HADH: variants seen among roughly 807,000 people sequenced by gnomAD.
The protein encoded by HADH is hydroxyacyl-coenzyme A dehydrogenase, mitochondrial.
In HADH, 24 loss-of-function variants were observed where a neutral mutation model predicts 32.2. That is an observed-to-expected ratio of 0.75 (90% CI 0.54 to 1.05). The LOEUF is 1.05. Among genes scored for constraint, HADH ranks in the 50% least tolerant of loss-of-function variants. The probability of loss-of-function intolerance (pLI) is 0.00; values close to 1 mark genes in which losing one functional copy is unlikely to be tolerated. For missense variants in HADH, 350 were observed against 397.1 expected, an observed-to-expected ratio of 0.88 and a Z score of 1.01; for synonymous variants, 139 against 152.5, an observed-to-expected ratio of 0.91 and a Z score of 0.65.
chr4:108,030,782 T>A lies in HADH; in HGVS notation c.710-2394T>A, dbSNP rs1287041011. 3.9e-5 allele frequency: 6 copies of A among 152,340 alleles called. 1 individual carries two copies. In the South Asian group the frequency reaches 1.0e-3, roughly 26 times the overall value. 9.4% of individuals were successfully genotyped at this position (152,340 alleles called of 1,614,324 possible). A position where few individuals can be genotyped will look rare whatever the true frequency, so the allele number is the denominator to read the frequency against. On this transcript the variant is annotated intron_variant, in intron 6 of 7. Transcript: ENST00000309522. Reference sequence around the variant, plus strand: ...AGAAGTACTTGATTCTAAAGAAGTTTAAGAATTATTAGTTTAAAACATGAT... The same window carrying A: ...AGAAGTACTTGATTCTAAAGAAGTTAAAGAATTATTAGTTTAAAACATGAT...
intron 6 of HADH, chr4:108,029,105 T>G (rs1174393713): frequency 2.6e-6 from 1 of 386,130 alleles, no homozygotes; most frequent in Non-Finnish European, 4.6e-6. Context: ...GTGTCCTGCC[T>G]GGGGTGGGTG....
intron 1 of HADH, among the ~76,000 whole-genome samples, chr4:107,990,290 G>T (rs1336814995): frequency 6.6e-6 from 1 of 152,242 alleles, no homozygotes; most frequent in Non-Finnish European, 1.5e-5. Flanking sequence ...TTCCTCGTTT[G>T]GAAAATTCTG....
intron 1 of HADH, among the ~76,000 whole-genome samples, chr4:107,998,679 GTGT>G (rs1228739063): frequency 2.0e-5 from 3 of 152,134 alleles, no homozygotes; most frequent in African/African-American, 7.2e-5. Flanking sequence ...CCTTGTGGTG[GTGT>G]TAAGACTGTC....
intron 2 of HADH, among the ~76,000 whole-genome samples, chr4:108,013,016 T>C (rs1297092923): frequency 6.6e-6 from 1 of 152,180 alleles, no homozygotes; most frequent in Non-Finnish European, 1.5e-5. Flanking sequence ...CACTGCAAGC[T>C]CCACCTCCCG....
At chr4:108,001,137 T>C (rs1422241338) in intron 1 of HADH, among the ~76,000 whole-genome samples, 1 of 152,182 alleles carries the variant, frequency 6.6e-6, no homozygotes, top group Non-Finnish European at 1.5e-5. Flanking sequence ...GCCTGAATAA[T>C]GGATAGAACA....
At chr4:108,004,753 C>A in intron 1 of HADH, 1 of 1,535,178 alleles carries the variant, frequency 6.5e-7, no homozygotes, top group South Asian at 1.2e-5. Flanking sequence ...TTTTTAAGGT[C>A]AAAAGAAGCA....
Position 108,009,874 on chromosome 4 carries a change from C to T in HADH, c.248C>T (p.Ala83Val). 1.2e-6 allele frequency: 2 copies of T among 1,609,866 alleles called. No homozygotes were observed. The highest frequency in any genetic ancestry group is 8.5e-7 in the Non-Finnish European group (1 of 1,176,356). ...AGGAAAGTGGCAAAGAAGAAGTTTG[C>T]AGAAAACCTTAAGGTAATTTCTTAT... is the stretch of plus-strand genomic sequence containing the variant. ...SLRKVAKKKFAENLKAGDEFV... is the reference protein window; with the variant it reads ...SLRKVAKKKFVENLKAGDEFV... The change falls in exon 2 of 8, where the codon GCA becomes GTA. Residue 83 changes from alanine (A) to valine (V), a missense_variant. Physicochemically the swap from Ala to Val is moderately conservative, Grantham distance 64. Coordinates refer to ENST00000309522, the MANE Select transcript of HADH (RefSeq NM_005327.7).
At chr4:108,018,249 A>G (rs1735759688) in intron 3 of HADH, among the ~76,000 whole-genome samples, 1 of 152,204 alleles carries the variant, frequency 6.6e-6, no homozygotes, top group Non-Finnish European at 1.5e-5. Flanking sequence ...TTGTGGTTCC[A>G]GGTGCTTGTG....
chr4:108,005,092 A>C, intron 1 of HADH: 1 of 458,386 alleles, frequency 2.2e-6, no homozygotes, highest in East Asian at 3.5e-5. Flanking sequence ...TAATCAAGAT[A>C]CCTTCTTTCT....
intron 7 of HADH, 108 bp from the exon 8 acceptor site, chr4:108,034,131 G>C (rs1245986355): frequency 1.7e-5 from 14 of 814,750 alleles, no homozygotes; most frequent in Non-Finnish European, 2.6e-5. Context: ...CCATGCCTGG[G>C]GGGCTCTCCC....
intron 1 of HADH, among the ~76,000 whole-genome samples, chr4:107,996,540 T>C (rs1734963256): frequency 6.6e-6 from 1 of 152,128 alleles, no homozygotes; most frequent in Non-Finnish European, 1.5e-5. Flanking sequence ...AGAAATACTT[T>C]TTGAAATGTA....
At chr4:108,018,770 C>T (rs1560733406) in intron 3 of HADH, among the ~76,000 whole-genome samples, 1 of 152,136 alleles carries the variant, frequency 6.6e-6, no homozygotes, top group Non-Finnish European at 1.5e-5. Flanking sequence ...TTTTTATCCG[C>T]AAGGTGGCGC....
intron 1 of HADH, among the ~76,000 whole-genome samples, chr4:108,005,510 C>T (rs941790113): frequency 1.2e-4 from 19 of 152,220 alleles, no homozygotes; most frequent in Middle Eastern, 3.4e-3. Context: ...GTGTGTTGCC[C>T]GGATTCATTC....
In HADH at chr4:108,027,692, C is replaced by T. The variant is rs1736110919; in HGVS notation, c.641C>T (p.Thr214Ile). 1 of 1,601,660 alleles carries T rather than the reference C, an allele frequency of 6.2e-7. No individual in the cohort carries two copies. Among genetic ancestry groups the T allele is most frequent in the Non-Finnish European group, 8.6e-7 (1 of 1,168,634 alleles). Residue 214 changes from threonine (T) to isoleucine (I), a missense_variant, in exon 6 of 8, where the codon ACT (threonine) becomes ATT (isoleucine). By Grantham distance (89) the Thr-to-Ile change is moderately conservative. Transcript: ENST00000309522. ...LGKHPVSCKDTPGFIVNRLLV... is the reference protein window; with the variant it reads ...LGKHPVSCKDIPGFIVNRLLV... Reference sequence around the variant, plus strand: ...TTTTTCTGTCTCCCAAAACAGGACACTCCTGGGTTTATTGTGAACCGCCTC... The same window carrying T: ...TTTTTCTGTCTCCCAAAACAGGACATTCCTGGGTTTATTGTGAACCGCCTC...
At chr4:108,009,940 T>A (rs1385625663) in intron 2 of HADH, 53 bp downstream of exon 2, 2 of 1,322,270 alleles carry the variant, frequency 1.5e-6, no homozygotes, top group Admixed American at 1.7e-5. Flanking sequence ...TGCTTTACAT[T>A]TGCAGGGCAA....
chr4:108,004,336 A>C (rs998413920), intron 1 of HADH: 1 of 278,728 alleles, frequency 3.6e-6, no homozygotes, highest in African/African-American at 2.2e-5. Flanking sequence ...GGGGAGCACA[A>C]GTCTTGGGCA....
At chr4:108,003,482 G>T (rs1206006504) in intron 1 of HADH, among the ~76,000 whole-genome samples, 1 of 152,124 alleles carries the variant, frequency 6.6e-6, no homozygotes, top group Non-Finnish European at 1.5e-5. Flanking sequence ...TTTAAACCCA[G>T]GAACTCCAAC....
chr4:107,998,927 A>C (rs1383137683), intron 1 of HADH, among the ~76,000 whole-genome samples: 1 of 152,166 alleles, frequency 6.6e-6, no homozygotes, highest in African/African-American at 2.4e-5. Flanking sequence ...CATGGCTAAA[A>C]CATTTGAGAG....
At chr4:108,018,254 CT>C (rs1578257511) in intron 3 of HADH, among the ~76,000 whole-genome samples, 1 of 152,258 alleles carries the variant, frequency 6.6e-6, no homozygotes, top group East Asian at 1.9e-4. Flanking sequence ...GTTCCAGGTG[CT>C]TGTGGTGCAG....
Sources: gnomAD v4.1 joint callset for allele counts (sites outside exome capture counted in the v4.1 genomes callset) on GRCh38, gnomAD v4.1.1 for gene constraint, MANE v1.5 for transcripts, NCBI Gene and HGNC (gene_info 2026-07-23, HGNC 2026-07-21) for gene names.